KIF11: variants seen among roughly 807,000 people sequenced by gnomAD.
KIF11 encodes the protein kinesin-like protein KIF11.
A neutral mutation model predicts 121.0 loss-of-function variants in KIF11; 9 were observed. The observed-to-expected ratio is 0.07, with a 90% CI of 0.04 to 0.13. The LOEUF (loss-of-function observed/expected upper bound fraction) is 0.13, where lower values mean the gene tolerates loss of function less well. KIF11 is among the 10% of genes least tolerant of loss of function. KIF11 has a pLI of 1.00. For missense variants in KIF11, 846 were observed against 1,217.5 expected, an observed-to-expected ratio of 0.69 and a Z score of 4.54; for synonymous variants, 408 against 421.0, an observed-to-expected ratio of 0.97 and a Z score of 0.38.
At chr10:92,611,627 G>A (rs910112386) in intron 6 of KIF11, among the ~76,000 whole-genome samples, 10 of 152,036 alleles carry the variant, frequency 6.6e-5, no homozygotes, top group African/African-American at 2.4e-4. Flanking sequence ...GGCTGGGCGC[G>A]ATGGCTGACG....
At chr10:92,603,406 A>ATT (rs879416329) in intron 1 of KIF11, among the ~76,000 whole-genome samples, 2 of 141,386 alleles carry the variant, frequency 1.4e-5, no homozygotes, top group South Asian at 2.2e-4. Flanking sequence ...TGCCTGGCTA[A>ATT]TTTTTTTTTT....
In KIF11 at chr10:92,593,387, G is replaced by A. The variant is rs376818610; in HGVS notation, c.12G>A (p.Gln4=). Residue 4 remains glutamine (Q), a synonymous_variant, in exon 1 of 22, where the codon CAG becomes CAA. Coordinates refer to ENST00000260731, the MANE Select transcript of KIF11 (RefSeq NM_004523.4). ...TGGCGGGGACCGTCATGGCGTCGCA[G>A]CCAAATTCGTCTGCGAAGAAGAAAG... MAS[Q]PNSSAKKKEE... is the part of the protein sequence containing the mutation. The A allele has an allele frequency of 1.2e-6, 2 of 1,609,026 alleles. No individual in the cohort carries two copies. The highest frequency in any genetic ancestry group is 8.5e-7 in the Non-Finnish European group (1 of 1,178,172).
rs777585755 is a variant in KIF11, at chr10:92,648,372, A to G, written c.2708A>G (p.Lys903Arg). ...AQNLELNETI[K>R]IGLTKLNCFL... The stretch of plus-strand genomic sequence containing the variant: ...AATCTAGAACTTAATGAAACCATAA[A>G]AATTGGTTTGACTAAGCTTAATTGC... Residue 903 changes from lysine to arginine, a missense_variant, in exon 19 of 22, where the codon AAA (lysine) becomes AGA (arginine). By Grantham distance (26) the Lys-to-Arg change is conservative. This residue lies in a region of KIF11 where 492 missense variants were observed against 603.4 expected (regional missense o/e 0.82). Transcript: ENST00000260731. 8 of 1,612,802 alleles carry G rather than the reference A, an allele frequency of 5.0e-6. No homozygotes were observed. The Admixed American group carries it at 8.3e-5, about 17-fold the overall frequency.
chr10:92,603,157 T>G (rs1844392121), intron 1 of KIF11, among the ~76,000 whole-genome samples: 1 of 151,978 alleles, frequency 6.6e-6, no homozygotes, highest in South Asian at 2.1e-4. Flanking sequence ...AGGTTCTGCT[T>G]AAATATCACC....
intron 8 of KIF11, among the ~76,000 whole-genome samples, chr10:92,615,439 C>T (rs1460015175): frequency 6.6e-6 from 1 of 151,738 alleles, no homozygotes; most frequent in Non-Finnish European, 1.5e-5. Context: ...AGGTGTCCAA[C>T]TGCCCCTTCA....
intron 9 of KIF11, among the ~76,000 whole-genome samples, chr10:92,618,527 T>G (rs2135908205): frequency 6.6e-6 from 1 of 150,956 alleles, no homozygotes; most frequent in African/African-American, 2.4e-5. Flanking sequence ...GTGCCTGTAA[T>G]CCCAGTTACT....
chr10:92,636,690 T>C (rs1844801683), intron 14 of KIF11, among the ~76,000 whole-genome samples: 1 of 151,914 alleles, frequency 6.6e-6, no homozygotes, highest in African/African-American at 2.4e-5. Flanking sequence ...TATTGTAATA[T>C]AATAAATTAT....
intron 12 of KIF11, among the ~76,000 whole-genome samples, chr10:92,631,841 A>AATTTTGT (rs1844742340): frequency 6.6e-6 from 1 of 151,430 alleles, no homozygotes; most frequent in Non-Finnish European, 1.5e-5. Context: ...ACACCCAGCT[A>AATTTTGT]ATTTTGTATT....
At chr10:92,639,768 C>G (rs1388114815) in intron 16 of KIF11, 26 bp from the exon 17 acceptor site, 5 of 1,376,010 alleles carry the variant, frequency 3.6e-6, no homozygotes, top group Non-Finnish European at 4.1e-6. Context: ...TTTTAAGTCT[C>G]TTCACTTCCC....
At chr10:92,622,628 G>A (rs1844630468) in intron 10 of KIF11, among the ~76,000 whole-genome samples, 1 of 151,278 alleles carries the variant, frequency 6.6e-6, no homozygotes, top group African/African-American at 2.4e-5. Flanking sequence ...AAAAGAAAAA[G>A]GAAAAAATAA....
intron 4 of KIF11, among the ~76,000 whole-genome samples, chr10:92,607,634 C>T (rs1016550133): frequency 9.9e-5 from 15 of 151,876 alleles, no homozygotes; most frequent in African/African-American, 3.6e-4. Context: ...CCTAAGTGTT[C>T]AAGAAATTAA....
At chr10:92,612,342 T>G (rs989208778) in intron 6 of KIF11, among the ~76,000 whole-genome samples, 2 of 152,168 alleles carry the variant, frequency 1.3e-5, no homozygotes, top group East Asian at 3.9e-4. Context: ...CCCACTATGT[T>G]GCCCAGGCTG....
rs567714886 is a variant in KIF11 at position 92,649,795 on chromosome 10, C to T, written c.2771-40C>T. 1.1e-5 allele frequency: 16 copies of T among 1,402,972 alleles called. No homozygotes were observed. In the East Asian group the frequency reaches 3.2e-4, roughly 28 times the overall value. The allele number at this position is 1,402,972 out of a possible 1,614,324, so 86.9% of individuals were successfully genotyped here. A position where few individuals can be genotyped will look rare whatever the true frequency, so the allele number is the denominator to read the frequency against. ...GGTTTTTTTAAAAATATTTACATCT[C>T]ATACTTTAATTTTTACCTCTTATCT... On this transcript the variant is annotated intron_variant, in intron 19 of 21. Transcript: ENST00000260731.
rs1589604288 is a variant in KIF11 at position 92,637,396 on chromosome 10, CA to C, written c.2018del (p.Lys673ArgfsTer3). Reference protein sequence around the residue: ...SLTVADKIEDQKKELDGFLSI... With the variant: ...SLTVADKIEDXKKELDGFLSI... ...TTTTGTTTCTTCAAAGATAGAAGAT[CA>C]AAAAAAGGAACTAGATGGCTTTCTC... On this transcript the variant is annotated frameshift_variant, in exon 16 of 22. Transcript: ENST00000260731. LOFTEE classifies it high-confidence loss of function. The C allele has an allele frequency of 1.3e-6, 2 of 1,574,410 alleles. No homozygotes were observed. Among genetic ancestry groups the C allele is most frequent in the Admixed American group, 2.2e-5 (1 of 45,490 alleles).
At position 92,630,353 on chromosome 10, in the gene KIF11, G is replaced by A; in HGVS notation, c.1483G>A (p.Ala495Thr). ...LESTEEKLHD[A>T]ASKLLNTVEE... ...AAGTACTGAGGAGAAACTTCATGAT[G>A]CTGCCAGCAAGGTTTGTCCCTTGTG... The change falls in exon 12 of 22, where the codon GCT becomes ACT. Residue 495 changes from alanine (A) to threonine (T), a missense_variant. By Grantham distance (58) the Ala-to-Thr change is moderately conservative. Around this residue, in one of 5 missense-constraint regions of KIF11, gnomAD observed 95 missense variants for 109.3 expected, o/e 0.87. Transcript: ENST00000260731. 1 of 1,571,876 alleles carries A rather than the reference G, an allele frequency of 6.4e-7. No homozygotes were observed. The highest frequency in any genetic ancestry group is 8.6e-7 in the Non-Finnish European group (1 of 1,164,706).
At chr10:92,632,787 C>T (rs564673271) in intron 13 of KIF11, 94 bp downstream of exon 13, 4 of 675,912 alleles carry the variant, frequency 5.9e-6, no homozygotes, top group South Asian at 4.7e-5. Flanking sequence ...GACGGTGTCA[C>T]CAATACTCTC....
Position 92,613,796 on chromosome 10 carries a change from G to A in KIF11, c.1032+177G>A, listed in dbSNP as rs545261153. Among the ~76,000 whole-genome samples, 79 of 152,140 alleles carry A rather than the reference G, an allele frequency of 5.2e-4. No individual in the cohort carries two copies. The highest frequency in any genetic ancestry group is 1.7e-3 in the African/African-American group (69 of 41,522). ...CTTAGGAGTGCCTGGGCAACATGCC[G>A]AAACCCTGTCTCTACCAAAAATACA... On this transcript the variant is annotated intron_variant, in intron 8 of 21. Coordinates refer to ENST00000260731, the MANE Select transcript of KIF11 (RefSeq NM_004523.4). The surrounding 1 kb of genome is among the most constrained non-coding windows in gnomAD (Gnocchi z 4.2).
Position 92,609,477 on chromosome 10 carries a change from A to T in KIF11, c.666A>T (p.Thr222=). Residue 222 remains threonine (T), a synonymous_variant, in exon 6 of 22, where the codon ACA becomes ACT. Coordinates refer to ENST00000260731, the MANE Select transcript of KIF11 (RefSeq NM_004523.4). The stretch of plus-strand genomic sequence containing the variant: ...TAGAAAAGGGGGCAGCAAAAAGGAC[A>T]ACTGCAGCTACTCTGATGAATGCAT... ...QILEKGAAKR[T]TAATLMNAYS... 6.2e-7 allele frequency: 1 copy of T among 1,613,928 alleles called. No individual in the cohort carries two copies.
intron 12 of KIF11, among the ~76,000 whole-genome samples, chr10:92,631,126 A>G (rs1019874027): frequency 1.3e-5 from 2 of 149,754 alleles, no homozygotes; most frequent in African/African-American, 4.9e-5. Flanking sequence ...TCTCTACTAA[A>G]AAAAAAAAAA....
Sources: allele counts gnomAD v4.1 joint callset (sites outside exome capture counted in the v4.1 genomes callset), GRCh38; gene constraint gnomAD v4.1.1; regional missense constraint gnomAD v4.1.1; non-coding constraint Gnocchi (gnomAD v3.1); transcripts MANE v1.5; gene names NCBI Gene and HGNC (gene_info 2026-07-23, HGNC 2026-07-21).